The following QTMAN variants were observed in gnomAD, a reference collection of about 807,000 sequenced individuals.
The protein encoded by QTMAN is tRNA-queuosine alpha-mannosyltransferase.
At chr2:144,300,663 T>C in the QTMAN span, among the ~76,000 whole-genome samples, 1 of 152,154 alleles carries the variant, frequency 6.6e-6, no homozygotes, top group Non-Finnish European at 1.5e-5. Flanking sequence ...AAGATATACA[T>C]AATATACGAA....
the QTMAN span, chr2:144,319,901 G>A: frequency 6.6e-6 from 1 of 152,100 alleles, no homozygotes; most frequent in African/African-American, 2.4e-5. Context: ...CAACAGCATC[G>A]TCCTATAAAA....
chr2:144,301,220 TTTTG>T, the QTMAN span, among the ~76,000 whole-genome samples: 81 of 152,262 alleles, frequency 5.3e-4, no homozygotes, highest in East Asian at 5.4e-3. Flanking sequence ...TGTCTTGTTT[TTTTG>T]TTTGTTTGTT....
At chr2:143,984,585 A>G in the QTMAN span, among the ~76,000 whole-genome samples, 28 of 152,264 alleles carry the variant, frequency 1.8e-4, no homozygotes, top group African/African-American at 6.7e-4. Context: ...TCAAGCCTGG[A>G]CCTGTGGCCC....
the QTMAN span, among the ~76,000 whole-genome samples, chr2:144,151,581 G>C: frequency 7.2e-5 from 11 of 152,100 alleles, no homozygotes; most frequent in African/African-American, 2.7e-4. Context: ...ATAACTGTCA[G>C]GGTTTGCTGA....
At chr2:144,002,918 G>T in the QTMAN span, among the ~76,000 whole-genome samples, 3 of 151,858 alleles carry the variant, frequency 2.0e-5, no homozygotes, top group African/African-American at 7.2e-5. Context: ...ACCAAAAGAA[G>T]ATATTGCAAC....
the QTMAN span, among the ~76,000 whole-genome samples, chr2:144,085,417 C>T: frequency 6.6e-6 from 1 of 152,284 alleles, no homozygotes; most frequent in East Asian, 1.9e-4. Flanking sequence ...TGTGCTTTTG[C>T]TAGTCAGTAA....
At chr2:144,292,766 CAGAA>C in the QTMAN span, among the ~76,000 whole-genome samples, 3 of 151,922 alleles carry the variant, frequency 2.0e-5, no homozygotes, top group Admixed American at 6.6e-5. Flanking sequence ...ATAATTGAAA[CAGAA>C]AGAAGAAATA....
chr2:143,946,042 G>A, the QTMAN span: 1 of 152,122 alleles, frequency 6.6e-6, no homozygotes, highest in Non-Finnish European at 1.5e-5. Flanking sequence ...ACTTTATTAA[G>A]AATTTATTTT....
At chr2:144,194,680 A>T in the QTMAN span, among the ~76,000 whole-genome samples, 11 of 152,210 alleles carry the variant, frequency 7.2e-5, no homozygotes, top group Non-Finnish European at 1.3e-4. Flanking sequence ...GAAAAACGGA[A>T]GGCATTCTTG....
chr2:144,076,218 G>T, the QTMAN span, among the ~76,000 whole-genome samples: 3 of 152,136 alleles, frequency 2.0e-5, no homozygotes, highest in Non-Finnish European at 4.4e-5. Flanking sequence ...CTGCACTCCA[G>T]GCTGGGCAAC....
the QTMAN span, chr2:144,145,983 TAAAAAAAAAAAAAAAAAA>T: frequency 8.6e-3 from 168 of 19,490 alleles, 2 homozygotes; most frequent in Non-Finnish European, 0.016. Flanking sequence ...TGAGAAATGT[TAAAAAAAAAAAAAAAAAA>T]AAAAAAAAAA....
chr2:144,090,047 G>C, the QTMAN span, among the ~76,000 whole-genome samples: 1 of 151,926 alleles, frequency 6.6e-6, no homozygotes, highest in Non-Finnish European at 1.5e-5. Flanking sequence ...TGAAAGGATA[G>C]TTAACATTAA....
the QTMAN span, among the ~76,000 whole-genome samples, chr2:143,975,989 CA>C: frequency 6.6e-6 from 1 of 152,132 alleles, no homozygotes; most frequent in Non-Finnish European, 1.5e-5. Flanking sequence ...GTAGGAAAAG[CA>C]AGTTACATTT....
chr2:144,207,482 C>T, the QTMAN span, among the ~76,000 whole-genome samples: 9 of 152,266 alleles, frequency 5.9e-5, no homozygotes, highest in Admixed American at 5.2e-4. Context: ...TTCCAACATG[C>T]CCTTCCTCTA....
the QTMAN span, among the ~76,000 whole-genome samples, chr2:144,126,296 A>C: frequency 1.3e-5 from 2 of 151,794 alleles, no homozygotes; most frequent in East Asian, 3.9e-4. Context: ...AAAAAAAAAA[A>C]CAATAACAAC....
chr2:144,244,895 G>A, the QTMAN span, among the ~76,000 whole-genome samples: 18 of 152,260 alleles, frequency 1.2e-4, no homozygotes, highest in African/African-American at 4.3e-4. Context: ...TTCCTATAAC[G>A]TGGAAAGAAG....
chr2:143,970,300 T>C, the QTMAN span, among the ~76,000 whole-genome samples: 1 of 152,210 alleles, frequency 6.6e-6, no homozygotes, highest in East Asian at 1.9e-4. Context: ...CCAATACCAA[T>C]GTGAGCAGGA....
chr2:144,242,983 A>G, the QTMAN span, among the ~76,000 whole-genome samples: 1 of 149,726 alleles, frequency 6.7e-6, no homozygotes, highest in Non-Finnish European at 1.5e-5. Flanking sequence ...AAAAAAAAAA[A>G]AAGAGTATTC....
chr2:144,279,234 T>C, the QTMAN span, among the ~76,000 whole-genome samples: 3 of 152,122 alleles, frequency 2.0e-5, no homozygotes, highest in South Asian at 6.2e-4. Context: ...AAAAAGCTTA[T>C]ATAACTTCAG....
Sources: gnomAD v4.1 joint callset for allele counts (sites outside exome capture counted in the v4.1 genomes callset) on GRCh38, gnomAD v4.1.1 for gene constraint, MANE v1.5 for transcripts, NCBI Gene and HGNC (gene_info 2026-07-23, HGNC 2026-07-21) for gene names.